Variants in ALDOA observed in about 807,000 individuals in gnomAD.
ALDOA encodes aldolase, fructose-bisphosphate A.
In ALDOA, 26 loss-of-function variants were observed where a neutral mutation model predicts 43.9. That is an observed-to-expected ratio of 0.59 (90% CI 0.43 to 0.82). The LOEUF is 0.82. Among genes scored for constraint, ALDOA ranks in the 40% least tolerant of loss-of-function variants. ALDOA has a pLI of 0.00. For missense variants in ALDOA, 498 were observed against 549.5 expected (o/e 0.91, Z 0.94); for synonymous variants, 258 against 222.6 (o/e 1.16, Z -1.42).
intron 2 of ALDOA, 26 bp from the exon 3 acceptor site, chr16:30,067,208 C>G: frequency 6.2e-7 from 1 of 1,612,044 alleles, no homozygotes; most frequent in Non-Finnish European, 8.5e-7. Context: ...GCTAACTAGT[C>G]CTTCCCCTCT....
chr16:30,064,680 G>C, upstream of ALDOA: 1 of 388,970 alleles, frequency 2.6e-6, no homozygotes, highest in East Asian at 3.6e-5. Flanking sequence ...AGAGAAGATC[G>C]GGGACACATG....
In ALDOA at chr16:30,069,991, C is replaced by G; in HGVS notation, c.1123C>G (p.Leu375Val). 6.2e-7 allele frequency: 1 copy of G among 1,613,864 alleles called. No homozygotes were observed. The highest frequency in any genetic ancestry group is 8.5e-7 in the Non-Finnish European group (1 of 1,180,028). ...GGCCTGGGGCGGGAAGAAGGAGAAC[C>G]TGAAGGCTGCGCAGGAGGAGTATGT... ...LKAWGGKKENLKAAQEEYVKR... is the reference protein window; with the variant it reads ...LKAWGGKKENVKAAQEEYVKR... The change falls in exon 9 of 10, where the codon CTG becomes GTG. Residue 375 changes from leucine to valine, a missense_variant. By Grantham distance (32) the Leu-to-Val change is conservative (BLOSUM62 1). Coordinates refer to ENST00000642816, the MANE Select transcript of ALDOA (RefSeq NM_001243177.4).
Position 30,067,217 on chromosome 16 carries a change from C to A in ALDOA, c.142-17C>A. On this transcript the variant is annotated splice_polypyrimidine_tract_variant and intron_variant, in intron 2 of 9. Transcript: ENST00000642816. The stretch of plus-strand genomic sequence containing the variant: ...ACCCTAGCTAACTAGTCCTTCCCCT[C>A]TGTTTCCTGTATCCAGGAACTTGCT... 6.2e-7 allele frequency: 1 copy of A among 1,612,182 alleles called. No homozygotes were observed. The highest frequency in any genetic ancestry group is 8.5e-7 in the Non-Finnish European group (1 of 1,179,984).
rs2072163845 is a variant in ALDOA, at chr16:30,067,558, T to C, written c.383T>C (p.Ile128Thr). Residue 128 changes from isoleucine (I) to threonine (T), a missense_variant, in exon 4 of 10, where the codon ATT (isoleucine) becomes ACT (threonine). Transcript: ENST00000642816. ...GCTGACGACCGCGTGAACCCCTGCATTGGGGGTGTCATCCTCTTCCATGAG... is the reference window on the plus strand; with the variant it reads ...GCTGACGACCGCGTGAACCCCTGCACTGGGGGTGTCATCCTCTTCCATGAG... Reference protein sequence around the residue: ...LTADDRVNPCIGGVILFHETL... With the variant: ...LTADDRVNPCTGGVILFHETL... 2 of 1,613,384 alleles carry C rather than the reference T, an allele frequency of 1.2e-6. No homozygotes were observed. Among genetic ancestry groups the C allele is most frequent in the African/African-American group, 1.3e-5 (1 of 74,722 alleles).
chr16:30,068,515 A>C, intron 4 of ALDOA, 131 bp from the exon 5 acceptor site: 3 of 1,028,668 alleles, frequency 2.9e-6, no homozygotes, highest in Non-Finnish European at 4.5e-6. Flanking sequence ...AGGCGGGAGG[A>C]TCACTTGAGT....
In ALDOA at chr16:30,069,879, C is replaced by G. The variant is rs563447533; in HGVS notation, c.1011C>G (p.Asn337Lys). The part of the protein sequence containing the change: ...GGQSEEEASI[N>K]LNAINKCPLL... ...AGAGTGAGGAGGAGGCGTCCATCAACCTCAATGCCATTAACAAGTGCCCCC... is the reference window on the plus strand; with the variant it reads ...AGAGTGAGGAGGAGGCGTCCATCAAGCTCAATGCCATTAACAAGTGCCCCC... Residue 337 changes from asparagine (N) to lysine (K), a missense_variant, in exon 9 of 10, where the codon AAC becomes AAG. Transcript: ENST00000642816. 6 of 1,614,056 alleles carry G rather than the reference C, an allele frequency of 3.7e-6. No individual in the cohort carries two copies. The highest frequency in any genetic ancestry group is 1.7e-5 in the Admixed American group (1 of 60,008).
rs1343304938 is a variant in ALDOA, at chr16:30,067,492, C to T, written c.317C>T (p.Thr106Ile). Residue 106 changes from threonine to isoleucine, a missense_variant, in exon 4 of 10, where the codon ACC (threonine) becomes ATC (isoleucine). Thr to Ile is a moderately conservative substitution (Grantham distance 89). Transcript: ENST00000642816. Reference sequence around the variant, plus strand: ...CTGCAGTCCATTGGCACCGAGAACACCGAGGAGAACCGGCGCTTCTACCGC... The same window carrying T: ...CTGCAGTCCATTGGCACCGAGAACATCGAGGAGAACCGGCGCTTCTACCGC... ...KRLQSIGTEN[T>I]EENRRFYRQL... 1 of 1,613,616 alleles carries T rather than the reference C, an allele frequency of 6.2e-7. No individual in the cohort carries two copies. The highest frequency in any genetic ancestry group is 8.5e-7 in the Non-Finnish European group (1 of 1,180,032).
intron 1 of ALDOA, 100 bp from the exon 2 acceptor site, chr16:30,066,785 C>A: frequency 2.2e-6 from 3 of 1,354,312 alleles, no homozygotes; most frequent in Middle Eastern, 1.9e-4. Context: ...GAAGCACAGA[C>A]CTTTCCCATA....
intron 4 of ALDOA, chr16:30,068,136 C>A: frequency 3.9e-6 from 1 of 253,596 alleles, no homozygotes; most frequent in Non-Finnish European, 7.6e-6. Context: ...GATCTCTTGG[C>A]TCACTGCAAG....
chr16:30,067,158 G>GA, intron 2 of ALDOA, 76 bp from the exon 3 acceptor site: 15 of 1,602,110 alleles, frequency 9.4e-6, no homozygotes, highest in Middle Eastern at 2.0e-4. Context: ...TGACCTCCAG[G>GA]AGAGGGGCCC....
At chr16:30,065,544 G>C (rs1323430988), upstream of ALDOA, 1 of 152,288 alleles carries the variant, frequency 6.6e-6, no homozygotes, top group Non-Finnish European at 1.5e-5. Context: ...CTAGCGACCC[G>C]CGGGATGTGG....
rs140201659 is a variant in ALDOA, at chr16:30,069,511, G to C, written c.799G>C (p.Val267Leu). Residue 267 changes from valine (V) to leucine (L), a missense_variant, in exon 8 of 10, where the codon GTC becomes CTC. Transcript: ENST00000642816. ...TGCTCTGCTCCAGGTGCTGGCTGCT[G>C]TCTACAAGGCTCTGAGTGACCACCA... ...QYVTEKVLAAVYKALSDHHIY... is the reference protein window; with the variant it reads ...QYVTEKVLAALYKALSDHHIY... 3.5e-5 allele frequency: 56 copies of C among 1,614,130 alleles called. No homozygotes were observed. In the African/African-American group the frequency reaches 7.2e-4, roughly 21 times the overall value.
chr16:30,066,578 C>T (rs797005960), intron 1 of ALDOA, among the ~76,000 whole-genome samples: 2 of 152,202 alleles, frequency 1.3e-5, no homozygotes, highest in African/African-American at 4.8e-5. Flanking sequence ...TCCTTGCTCT[C>T]TTATATTTTT....
chr16:30,068,751 G>C, intron 5 of ALDOA, 51 bp downstream of exon 5: 1 of 1,614,158 alleles, frequency 6.2e-7, no homozygotes. Flanking sequence ...AGCAGGTTTG[G>C]GTGCTGGGAG....
chr16:30,070,049 G>A lies in ALDOA; in HGVS notation c.1161+20G>A. On this transcript the variant is annotated intron_variant, in intron 9 of 9. Coordinates refer to ENST00000642816, the MANE Select transcript of ALDOA (RefSeq NM_001243177.4). Reference sequence around the variant, plus strand: ...GCCCTGGTAAGGATAGGCAGGAGGTGGGCAGGGTGCCTGGGTGGATGGGAC... The same window carrying A: ...GCCCTGGTAAGGATAGGCAGGAGGTAGGCAGGGTGCCTGGGTGGATGGGAC... 6.2e-7 allele frequency: 1 copy of A among 1,613,652 alleles called. No homozygotes were observed.
rs377025581 is a variant in ALDOA, at chr16:30,070,251, C to G, written c.*39C>G. 4.4e-6 allele frequency: 7 copies of G among 1,600,970 alleles called. No homozygotes were observed. Among genetic ancestry groups the G allele is most frequent in the African/African-American group, 4.0e-5 (3 of 74,760 alleles). On this transcript the variant is annotated 3_prime_UTR_variant, in exon 10 of 10. Transcript: ENST00000642816. ...CAGGCTGCCCCCAACACTCCAGGCC[C>G]TGCCCCCTCCCACTCTTGAAGAGGA...
chr16:30,070,099 A>G lies in ALDOA; in HGVS notation c.1162-18A>G. 3 of 1,613,462 alleles carry G rather than the reference A, an allele frequency of 1.9e-6. No individual in the cohort carries two copies. The highest frequency in any genetic ancestry group is 2.5e-6 in the Non-Finnish European group (3 of 1,179,880). On this transcript the variant is annotated intron_variant, in intron 9 of 9. Transcript: ENST00000642816. ...CTCGGAGAAGAGCCCTTCTCACTCC[A>G]CCCCTCTCCCTGCTTAGGCCAACAG...
At position 30,067,276 on chromosome 16, in the gene ALDOA, C is replaced by T. The variant is rs1163749559; in HGVS notation, c.184C>T (p.Leu62=). 27 of 1,612,540 alleles carry T rather than the reference C, an allele frequency of 1.7e-5. No homozygotes were observed. Among genetic ancestry groups the T allele is most frequent in the Non-Finnish European group, 2.3e-5 (27 of 1,180,020 alleles). ...TSTMPYQYPA[L]TPEQKKELSD... is the part of the protein sequence containing the mutation. ...CACCATGCCCTACCAATATCCAGCACTGACCCCGGAGCAGAAGAAGGAGCT... is the reference window on the plus strand; with the variant it reads ...CACCATGCCCTACCAATATCCAGCATTGACCCCGGAGCAGAAGAAGGAGCT... Residue 62 remains leucine (L), a synonymous_variant, in exon 3 of 10, where the codon CTG becomes TTG. Coordinates refer to ENST00000642816, the MANE Select transcript of ALDOA (RefSeq NM_001243177.4).
At chr16:30,068,089 G>C in intron 4 of ALDOA, 1 of 223,636 alleles carries the variant, frequency 4.5e-6, no homozygotes, top group Non-Finnish European at 8.8e-6. Flanking sequence ...TTTTGAGATG[G>C]AGTCTCGCTG....
Sources: gnomAD v4.1 joint callset for allele counts (sites outside exome capture counted in the v4.1 genomes callset) on GRCh38, gnomAD v4.1.1 for gene constraint, MANE v1.5 for transcripts, NCBI Gene and HGNC (gene_info 2026-07-23, HGNC 2026-07-21) for gene names.